Variants in MYLK observed in about 807,000 individuals in gnomAD.
MYLK encodes the protein myosin light chain kinase, also known as myosin light chain kinase, smooth muscle.
In MYLK, 106 loss-of-function variants were observed where a neutral mutation model predicts 203.4. The ratio of observed to expected loss-of-function variants is 0.52; its 90% CI spans 0.45 to 0.61. The LOEUF (loss-of-function observed/expected upper bound fraction) is 0.61, where lower values mean the gene tolerates loss of function less well. MYLK is among the 20% of genes least tolerant of loss of function. The pLI is 0.00. For missense variants in MYLK, 2,072 were observed against 2,442.3 expected, an observed-to-expected ratio of 0.85 and a Z score of 3.20; for synonymous variants, 867 against 959.5, an observed-to-expected ratio of 0.90 and a Z score of 1.78.
At chr3:123,641,888 T>C (rs758234677) in intron 27 of MYLK, among the ~76,000 whole-genome samples, 11 of 149,872 alleles carry the variant, frequency 7.3e-5, no homozygotes, top group Non-Finnish European at 1.3e-4. Context: ...AGGGTCTTGC[T>C]CTGTCTTCCA....
At chr3:123,724,813 C>T (rs529819525) in intron 12 of MYLK, among the ~76,000 whole-genome samples, 70 of 152,186 alleles carry the variant, frequency 4.6e-4, no homozygotes, top group African/African-American at 1.6e-3. Flanking sequence ...GGCGCAATCT[C>T]GGCTCACTGC....
chr3:123,803,359 A>G (rs950518507), intron 3 of MYLK, among the ~76,000 whole-genome samples: 2 of 152,220 alleles, frequency 1.3e-5, no homozygotes, highest in African/African-American at 4.8e-5. Flanking sequence ...GAATAAAAGC[A>G]ACCTTGCTCA....
intron 27 of MYLK, among the ~76,000 whole-genome samples, chr3:123,646,564 C>T (rs1302534592): frequency 1.3e-5 from 2 of 152,194 alleles, no homozygotes; most frequent in Non-Finnish European, 2.9e-5. Flanking sequence ...CATGCACCAA[C>T]AGCTCAGAGG....
intron 4 of MYLK, among the ~76,000 whole-genome samples, chr3:123,768,168 A>G (rs2063764350): frequency 6.6e-6 from 1 of 152,250 alleles, no homozygotes; most frequent in South Asian, 2.1e-4. Context: ...CTTTGCCCCC[A>G]GCTGCAGGAC....
intron 18 of MYLK, among the ~76,000 whole-genome samples, chr3:123,698,390 T>C (rs1291749196): frequency 6.6e-6 from 1 of 152,174 alleles, no homozygotes; most frequent in African/African-American, 2.4e-5. Context: ...CTGAGGATGG[T>C]GGATGCCACC....
chr3:123,762,252 T>C (rs139688632), intron 4 of MYLK, among the ~76,000 whole-genome samples: 10 of 152,014 alleles, frequency 6.6e-5, no homozygotes, highest in Non-Finnish European at 1.3e-4. Context: ...TTTTTTGAGA[T>C]GGGGTCTCAC....
At chr3:123,863,341 T>A (rs2032072180) in intron 2 of MYLK, among the ~76,000 whole-genome samples, 1 of 108,864 alleles carries the variant, frequency 9.2e-6, no homozygotes, top group East Asian at 2.5e-4. Flanking sequence ...AAAGTTTCTT[T>A]GGACACAGAA....
intron 30 of MYLK, among the ~76,000 whole-genome samples, chr3:123,627,278 C>T (rs551257241): frequency 3.9e-5 from 6 of 152,226 alleles, no homozygotes; most frequent in African/African-American, 1.2e-4. Context: ...TCCAGGGTGG[C>T]GTCATTCTGC....
intron 11 of MYLK, among the ~76,000 whole-genome samples, chr3:123,732,129 C>G (rs1202729984): frequency 6.6e-6 from 1 of 152,084 alleles, no homozygotes; most frequent in African/African-American, 2.4e-5. Flanking sequence ...AAGGGTATGG[C>G]ATGGGCCTGG....
intron 2 of MYLK, among the ~76,000 whole-genome samples, chr3:123,851,610 G>A (rs2030812606): frequency 6.6e-6 from 1 of 152,214 alleles, no homozygotes; most frequent in South Asian, 2.1e-4. Flanking sequence ...CTAAGACTTT[G>A]CTAAAGTTGC....
intron 6 of MYLK, 86 bp from the exon 7 acceptor site, chr3:123,739,148 T>G: frequency 6.8e-7 from 1 of 1,464,818 alleles, no homozygotes; most frequent in Admixed American, 1.8e-5. Flanking sequence ...GGCACTAAGT[T>G]AAGGTCAGAA....
At chr3:123,697,217 T>C (rs1251115368) in intron 18 of MYLK, among the ~76,000 whole-genome samples, 2 of 152,218 alleles carry the variant, frequency 1.3e-5, no homozygotes, top group African/African-American at 2.4e-5. Flanking sequence ...AGCCTTAAGA[T>C]AAGTTTTTTC....
At position 123,723,204 on chromosome 3, in the gene MYLK, G is replaced by C. The variant is rs534355210; in HGVS notation, c.1652-924C>G. Among the ~76,000 whole-genome samples the C allele has an allele frequency of 6.1e-4, 93 of 151,836 alleles. No individual in the cohort carries two copies. The South Asian group carries it at 7.5e-3, about 12-fold the overall frequency. On this transcript the variant is annotated intron_variant, in intron 12 of 33. Transcript: ENST00000360304. ...TTTGCACTTCATAAAATTGGGGTCG[G>C]CCAGTGGGGAAGGGAGACAGTACAG...
At chr3:123,794,862 C>G (rs911826735) in intron 3 of MYLK, among the ~76,000 whole-genome samples, 5 of 152,116 alleles carry the variant, frequency 3.3e-5, no homozygotes, top group Non-Finnish European at 7.4e-5. Context: ...GTATCAAGCA[C>G]TTTTTATATT....
chr3:123,682,922 G>A (rs1018364962), intron 19 of MYLK, among the ~76,000 whole-genome samples: 1 of 152,164 alleles, frequency 6.6e-6, no homozygotes, highest in Non-Finnish European at 1.5e-5. Context: ...CAGTGAAGCT[G>A]GGCACAGCTG....
chr3:123,639,807 A>T (rs995190121), intron 28 of MYLK, among the ~76,000 whole-genome samples: 7 of 152,190 alleles, frequency 4.6e-5, no homozygotes, highest in Admixed American at 4.6e-4. Flanking sequence ...GTTGGGGCTC[A>T]TAAAATCTAC....
intron 22 of MYLK, among the ~76,000 whole-genome samples, chr3:123,664,531 C>T (rs956887348): frequency 2.6e-5 from 4 of 152,058 alleles, no homozygotes; most frequent in Non-Finnish European, 4.4e-5. Flanking sequence ...TCACTGCTCC[C>T]AGAAATATCC....
In MYLK at chr3:123,734,168, G is replaced by T; in HGVS notation, c.828C>A (p.Thr276=). ...ATNSDVRKEV[T]NVISKESKLD... is the part of the protein sequence containing the mutation. ...GCTTCGACTCCTTTGAGATTACATT[G>T]GTCACCTCTTTCCTGACATCTGAAT... The change falls in exon 10 of 34, where the codon ACC becomes ACA. Residue 276 remains threonine (T), a synonymous_variant. Transcript: ENST00000360304. 1 of 1,558,668 alleles carries T rather than the reference G, an allele frequency of 6.4e-7. No individual in the cohort carries two copies. Among genetic ancestry groups the T allele is most frequent in the South Asian group, 1.2e-5 (1 of 82,358 alleles).
rs563758030 is a variant in MYLK at position 123,681,951 on chromosome 3, G to A, written c.3652+273C>T. The A allele has an allele frequency of 2.3e-3, 1,184 of 504,912 alleles. 5 individuals carry two copies. The highest frequency in any genetic ancestry group is 3.9e-3 in the South Asian group (190 of 48,718). 31.3% of individuals were successfully genotyped at this position (504,912 alleles called of 1,614,324 possible). Reference sequence around the variant, plus strand: ...GAAGTGAAAGGGCATGAAGGAGGTTGGGCAGGGGAGGTAGATAGGAGCTCA... The same window carrying A: ...GAAGTGAAAGGGCATGAAGGAGGTTAGGCAGGGGAGGTAGATAGGAGCTCA... On this transcript the variant is annotated intron_variant, in intron 20 of 33. Transcript: ENST00000360304.
Sources: gnomAD v4.1 joint callset for allele counts (sites outside exome capture counted in the v4.1 genomes callset) on GRCh38, gnomAD v4.1.1 for gene constraint, MANE v1.5 for transcripts, NCBI Gene and HGNC (gene_info 2026-07-23, HGNC 2026-07-21) for gene names.